Variants in ZNF112 observed in about 807,000 individuals in gnomAD.
ZNF112 encodes the protein zinc finger protein 112 (Y14).
ZNF112 carries 37 observed loss-of-function variants against 77.7 expected under a neutral mutation model. The ratio of observed to expected loss-of-function variants is 0.48; its 90% CI spans 0.37 to 0.63. The LOEUF is 0.63. ZNF112 is among the 20% of genes least tolerant of loss of function. The probability of loss-of-function intolerance (pLI) is 0.00; values close to 1 mark genes in which losing one functional copy is unlikely to be tolerated. For missense variants in ZNF112, 950 were observed against 1,077.4 expected, an observed-to-expected ratio of 0.88 and a Z score of 1.66; for synonymous variants, 333 against 363.6, an observed-to-expected ratio of 0.92 and a Z score of 0.96.
At chr19:44,353,528 C>T (rs1203727027) in intron 1 of ZNF112, among the ~76,000 whole-genome samples, 1 of 151,892 alleles carries the variant, frequency 6.6e-6, no homozygotes, top group African/African-American at 2.4e-5. Context: ...ATATAAATAG[C>T]TCTCAAAAAT....
chr19:44,357,305 A>G (rs1412997397), upstream of ZNF112, among the ~76,000 whole-genome samples: 12 of 152,320 alleles, frequency 7.9e-5, no homozygotes, highest in Middle Eastern at 3.4e-3. Flanking sequence ...TAAAGGAGAG[A>G]ACAGAGAAGC....
intron 1 of ZNF112, among the ~76,000 whole-genome samples, chr19:44,366,470 C>G (rs60402615): frequency 6.6e-6 from 1 of 151,926 alleles, no homozygotes; most frequent in African/African-American, 2.4e-5. Context: ...AGAGATGACA[C>G]GGCAAGAAGA....
chr19:44,337,840 T>TAC (rs71171235), intron 2 of ZNF112, among the ~76,000 whole-genome samples: 2,729 of 47,402 alleles, frequency 0.058, 39 homozygotes, highest in East Asian at 0.31. Context: ...TACATACACA[T>TAC]ACACACACAC....
Position 44,329,315 on chromosome 19 carries a change from G to A in ZNF112, c.842C>T (p.Thr281Ile), listed in dbSNP as rs10419604. The A allele has an allele frequency of 1.2e-6, 2 of 1,613,974 alleles. No individual in the cohort carries two copies. The highest frequency in any genetic ancestry group is 1.1e-5 in the South Asian group (1 of 91,074). ...ACAGCCCTTTCCACATGAACTGTAT[G>A]TATAGGGCTTCCCTTCCAAGTGGAA... is the stretch of plus-strand genomic sequence containing the variant. ...QQFHLEGKPY[T>I]YSSCGKGCNY... Residue 281 changes from threonine to isoleucine, a missense_variant, in exon 4 of 4, where the codon ACA becomes ATA. Physicochemically the swap from Thr to Ile is moderately conservative, Grantham distance 89 (BLOSUM62 -1). Around this residue, in one of 3 missense-constraint regions of ZNF112, gnomAD observed 560 missense variants for 557.3 expected, o/e 1.00. Transcript: ENST00000354340.
intron 1 of ZNF112, among the ~76,000 whole-genome samples, chr19:44,349,333 T>G (rs1338640184): frequency 6.6e-6 from 1 of 151,930 alleles, no homozygotes; most frequent in East Asian, 1.9e-4. Flanking sequence ...TTAATTTTTG[T>G]ATTACTAATA....
chr19:44,351,459 T>G (rs1323766878), intron 1 of ZNF112, among the ~76,000 whole-genome samples: 1 of 152,130 alleles, frequency 6.6e-6, no homozygotes, highest in Admixed American at 6.5e-5. Flanking sequence ...TTTAAAAAAT[T>G]TCTTTTCAAA....
Position 44,327,816 on chromosome 19 carries a change from T to G in ZNF112, c.2341A>C (p.Ser781Arg). ...YKCEVCTKGF[S>R]ESSRLQAHQR... The stretch of plus-strand genomic sequence containing the variant: ...TGTGCTTGAAGGCGTGAACTCTCAC[T>G]GAAACCCTTTGTACACACCTCACAT... Residue 781 changes from serine to arginine, a missense_variant, in exon 4 of 4, where the codon AGT becomes CGT. This residue lies in a region of ZNF112 where 373 missense variants were observed against 482.8 expected (regional missense o/e 0.77). Transcript: ENST00000354340. 1 of 1,613,942 alleles carries G rather than the reference T, an allele frequency of 6.2e-7. No homozygotes were observed. The highest frequency in any genetic ancestry group is 8.5e-7 in the Non-Finnish European group (1 of 1,179,876).
intron 3 of ZNF112, among the ~76,000 whole-genome samples, chr19:44,331,017 A>G (rs1599912430): frequency 6.6e-6 from 1 of 152,224 alleles, no homozygotes; most frequent in African/African-American, 2.4e-5. Context: ...GTCACTAATG[A>G]GCTATTTATC....
chr19:44,343,031 ATTC>A (rs1046934399), intron 1 of ZNF112, among the ~76,000 whole-genome samples: 7 of 152,106 alleles, frequency 4.6e-5, no homozygotes, highest in African/African-American at 1.4e-4. Context: ...TAAAATTTCT[ATTC>A]TTCTTTGTAC....
At chr19:44,363,730 A>AAT (rs1246197263) in intron 1 of ZNF112, among the ~76,000 whole-genome samples, 16 of 152,334 alleles carry the variant, frequency 1.1e-4, no homozygotes, top group African/African-American at 3.6e-4. Flanking sequence ...CATACTTATA[A>AAT]AAGTCTTTTT....
At chr19:44,347,823 T>C (rs1425636646) in intron 1 of ZNF112, among the ~76,000 whole-genome samples, 1 of 152,154 alleles carries the variant, frequency 6.6e-6, no homozygotes. Flanking sequence ...AAACTTACTA[T>C]TTCTGGTGCT....
In ZNF112 at chr19:44,328,770, G is replaced by C. The variant is rs1970193373; in HGVS notation, c.1387C>G (p.Gln463Glu). Residue 463 changes from glutamine to glutamate, a missense_variant, in exon 4 of 4, where the codon CAA becomes GAA. Physicochemically the swap from Gln to Glu is conservative, Grantham distance 29. Around this residue, in one of 3 missense-constraint regions of ZNF112, gnomAD observed 560 missense variants for 557.3 expected, o/e 1.00. Coordinates refer to ENST00000354340, the MANE Select transcript of ZNF112 (RefSeq NM_013380.4). ...CTACACACATAGCGTTTATATGGTTGTTCCTTAGTGTGGACTATCTGAAGG... is the reference window on the plus strand; with the variant it reads ...CTACACACATAGCGTTTATATGGTTCTTCCTTAGTGTGGACTATCTGAAGG... ...QDLQIVHTKE[Q>E]PYKRYVCSNS... The C allele has an allele frequency of 1.2e-6, 2 of 1,613,928 alleles. No individual in the cohort carries two copies. Among genetic ancestry groups the C allele is most frequent in the Non-Finnish European group, 1.7e-6 (2 of 1,179,986 alleles).
upstream of ZNF112, among the ~76,000 whole-genome samples, chr19:44,359,487 C>G (rs1181522086): frequency 6.6e-6 from 1 of 151,936 alleles, no homozygotes; most frequent in Non-Finnish European, 1.5e-5. Context: ...CCACGCCCAG[C>G]TAATTTTTGT....
At chr19:44,365,969 G>A (rs1313220720) in intron 1 of ZNF112, among the ~76,000 whole-genome samples, 2 of 152,104 alleles carry the variant, frequency 1.3e-5, no homozygotes, top group East Asian at 1.9e-4. Context: ...AGTTTTACAC[G>A]TGACCAGAGC....
intron 3 of ZNF112, among the ~76,000 whole-genome samples, chr19:44,335,408 G>T (rs1246996616): frequency 6.6e-6 from 1 of 152,126 alleles, no homozygotes; most frequent in African/African-American, 2.4e-5. Flanking sequence ...CGGCAAAGAA[G>T]AAAAATTAGT....
chr19:44,366,920 A>C (rs2123235518), intron 1 of ZNF112, among the ~76,000 whole-genome samples: 1 of 152,318 alleles, frequency 6.6e-6, no homozygotes, highest in East Asian at 1.9e-4. Flanking sequence ...ACATAAAAGG[A>C]ATGCTAGGCA....
Position 44,328,758 on chromosome 19 carries a change from G to A in ZNF112, c.1399C>T (p.Arg467Cys), listed in dbSNP as rs202199443. ...IVHTKEQPYKRYVCSNSFSHN... is the reference protein window; with the variant it reads ...IVHTKEQPYKCYVCSNSFSHN... Reference sequence around the variant, plus strand: ...CTGAAGCTGTTACTACACACATAGCGTTTATATGGTTGTTCCTTAGTGTGG... The same window carrying A: ...CTGAAGCTGTTACTACACACATAGCATTTATATGGTTGTTCCTTAGTGTGG... The change falls in exon 4 of 4, where the codon CGC becomes TGC. Residue 467 changes from arginine to cysteine, a missense_variant. Physicochemically the swap from Arg to Cys is radical, Grantham distance 180. This residue lies in a region of ZNF112 where 560 missense variants were observed against 557.3 expected (regional missense o/e 1.00). Transcript: ENST00000354340. 3.0e-5 allele frequency: 48 copies of A among 1,613,942 alleles called. No homozygotes were observed. The Middle Eastern group carries it at 4.9e-4, about 17-fold the overall frequency.
At chr19:44,330,661 A>G (rs1212098468) in intron 3 of ZNF112, among the ~76,000 whole-genome samples, 1 of 152,156 alleles carries the variant, frequency 6.6e-6, no homozygotes, top group African/African-American at 2.4e-5. Context: ...ACTTGAACCC[A>G]TGAGGCAGAG....
chr19:44,326,764 A>G lies in ZNF112; in HGVS notation c.*669T>C, dbSNP rs371992740. On this transcript the variant is annotated 3_prime_UTR_variant, in exon 4 of 4. Transcript: ENST00000354340. ...CAAGTGCACACATGGGTACATATAC[A>G]CACACACAAAGCTAAACTTCAGCAG... 2 of 152,300 alleles carry G rather than the reference A, an allele frequency of 1.3e-5. No homozygotes were observed. Among genetic ancestry groups the G allele is most frequent in the Non-Finnish European group, 2.9e-5 (2 of 68,148 alleles). 9.4% of individuals were successfully genotyped at this position (152,300 alleles called of 1,614,324 possible). A position where few individuals can be genotyped will look rare whatever the true frequency, so the allele number is the denominator to read the frequency against.
Sources: allele counts gnomAD v4.1 joint callset (sites outside exome capture counted in the v4.1 genomes callset), GRCh38; gene constraint gnomAD v4.1.1; regional missense constraint gnomAD v4.1.1; transcripts MANE v1.5; gene names NCBI Gene and HGNC (gene_info 2026-07-23, HGNC 2026-07-21).